The following TSHZ1 variants were observed in gnomAD, a reference collection of about 807,000 sequenced individuals.
TSHZ1 encodes teashirt homolog 1.
A neutral mutation model predicts 67.1 loss-of-function variants in TSHZ1; 12 were observed. The observed-to-expected ratio is 0.18, with a 90% CI of 0.11 to 0.29. The LOEUF (loss-of-function observed/expected upper bound fraction) is 0.29, where lower values mean the gene tolerates loss of function less well. TSHZ1 is among the 10% of genes least tolerant of loss of function. The pLI, the probability that TSHZ1 is intolerant of heterozygous loss-of-function variation, is 1.00. For missense variants in TSHZ1, 1,305 were observed against 1,413.9 expected (o/e 0.92, Z 1.23); for synonymous variants, 632 against 622.4 (o/e 1.02, Z -0.23).
rs138707336 is a variant in TSHZ1 at position 75,287,540 on chromosome 18, C to T, written c.2133C>T (p.His711=). 196 of 1,614,134 alleles carry T rather than the reference C, an allele frequency of 1.2e-4. No homozygotes were observed. The highest frequency in any genetic ancestry group is 1.6e-4 in the Non-Finnish European group (185 of 1,180,058). ...KAKKEGPLDV[H]TPNGTEPLKA... is the part of the protein sequence containing the mutation. ...AAAAGGAGGGACCGCTGGACGTTCACACCCCAAATGGCACAGAGCCTCTCA... is the reference window on the plus strand; with the variant it reads ...AAAAGGAGGGACCGCTGGACGTTCATACCCCAAATGGCACAGAGCCTCTCA... The change falls in exon 2 of 2, where the codon CAC becomes CAT. Residue 711 remains histidine, a synonymous_variant. Coordinates refer to ENST00000580243, the MANE Select transcript of TSHZ1 (RefSeq NM_001308210.2). The surrounding 1 kb of genome is among the most constrained non-coding windows in gnomAD (Gnocchi z 5.0).
chr18:75,212,191 G>C (rs1335681531), intron 1 of TSHZ1, among the ~76,000 whole-genome samples: 1 of 152,204 alleles, frequency 6.6e-6, no homozygotes, highest in South Asian at 2.1e-4. Flanking sequence ...GCCGCGGGAC[G>C]GCGGGTGCTT....
intron 1 of TSHZ1, among the ~76,000 whole-genome samples, chr18:75,238,910 C>G (rs540312064): frequency 6.6e-6 from 1 of 152,224 alleles, no homozygotes; most frequent in Non-Finnish European, 1.5e-5. Flanking sequence ...TAGCCTGGGT[C>G]GTGGGAAGTG....
intron 1 of TSHZ1, among the ~76,000 whole-genome samples, chr18:75,261,381 A>G (rs2023428752): frequency 6.6e-6 from 1 of 152,226 alleles, no homozygotes; most frequent in Non-Finnish European, 1.5e-5. Context: ...ACAGAAAGAC[A>G]TTCTCTAAAG....
intron 1 of TSHZ1, among the ~76,000 whole-genome samples, chr18:75,256,027 T>A (rs1327732667): frequency 2.0e-5 from 3 of 152,236 alleles, no homozygotes; most frequent in Non-Finnish European, 4.4e-5. Flanking sequence ...GATAACACTT[T>A]AATGCATAAA....
In TSHZ1 at chr18:75,227,335, G is replaced by A. The variant is rs1315640679; in HGVS notation, c.40+15419G>A. 4.6e-5 allele frequency among the ~76,000 whole-genome samples: 7 copies of A among 151,666 alleles called. No individual in the cohort carries two copies. The East Asian group carries it at 1.4e-3, about 29-fold the overall frequency. Reference sequence around the variant, plus strand: ...GTTTCTTCTTTTTCTCTGTTGCCTAGAATTTGTAACCCCATTCCCGCCTGC... The same window carrying A: ...GTTTCTTCTTTTTCTCTGTTGCCTAAAATTTGTAACCCCATTCCCGCCTGC... On this transcript the variant is annotated intron_variant, in intron 1 of 1. Transcript: ENST00000580243.
At chr18:75,229,538 A>G (rs1332103556) in intron 1 of TSHZ1, among the ~76,000 whole-genome samples, 1 of 152,192 alleles carries the variant, frequency 6.6e-6, no homozygotes, top group Admixed American at 6.5e-5. Flanking sequence ...TCCACTGTCA[A>G]GAGTCCAGCA....
intron 1 of TSHZ1, among the ~76,000 whole-genome samples, chr18:75,271,399 T>A (rs896420191): frequency 2.6e-5 from 4 of 152,186 alleles, no homozygotes; most frequent in African/African-American, 9.6e-5. Context: ...TCTTTTTAGC[T>A]GGGAAACTTT....
At chr18:75,252,594 A>T (rs910087472) in intron 1 of TSHZ1, among the ~76,000 whole-genome samples, 5 of 152,214 alleles carry the variant, frequency 3.3e-5, no homozygotes, top group Admixed American at 2.6e-4. Flanking sequence ...TATTTGATAC[A>T]TCTAAAATTA....
In TSHZ1 at chr18:75,285,913, G is replaced by T; in HGVS notation, c.506G>T (p.Gly169Val). 1 of 1,495,018 alleles carries T rather than the reference G, an allele frequency of 6.7e-7. No homozygotes were observed. Among genetic ancestry groups the T allele is most frequent in the Non-Finnish European group, 9.0e-7 (1 of 1,113,168 alleles). The allele number at this position is 1,495,018 out of a possible 1,614,324, so 92.6% of individuals were successfully genotyped here. ...CCCACCTGCCCCGTCAGCACCACTG[G>T]CCCCACCACGAGCACGCCCAGCACC... ...TPPTCPVSTT[G>V]PTTSTPSTSC... Residue 169 changes from glycine to valine, a missense_variant, in exon 2 of 2, where the codon GGC becomes GTC. By Grantham distance (109) the Gly-to-Val change is moderately radical. This residue lies in a region of TSHZ1 where 358 missense variants were observed against 375.6 expected (regional missense o/e 0.95). Transcript: ENST00000580243.
intron 1 of TSHZ1, among the ~76,000 whole-genome samples, chr18:75,227,598 T>C (rs923660253): frequency 2.0e-5 from 3 of 152,228 alleles, no homozygotes; most frequent in African/African-American, 7.2e-5. Context: ...AGTAGAGTTT[T>C]GCATTGTAAT....
At chr18:75,283,127 C>G (rs768592618) in intron 1 of TSHZ1, 1 of 152,364 alleles carries the variant, frequency 6.6e-6, no homozygotes, top group African/African-American at 2.4e-5. Flanking sequence ...AGCACATGCT[C>G]AGGCCTGCCG....
intron 1 of TSHZ1, among the ~76,000 whole-genome samples, chr18:75,260,012 C>T (rs370409999): frequency 1.3e-5 from 2 of 152,196 alleles, no homozygotes; most frequent in African/African-American, 4.8e-5. Context: ...TGTACTGATG[C>T]CTTTCAGGTC....
At chr18:75,261,451 C>T (rs563440960) in intron 1 of TSHZ1, among the ~76,000 whole-genome samples, 4 of 152,194 alleles carry the variant, frequency 2.6e-5, no homozygotes, top group Non-Finnish European at 4.4e-5. Flanking sequence ...GACCCATGCA[C>T]TACGACCATC....
At chr18:75,241,404 TGG>T (rs1372251313) in intron 1 of TSHZ1, among the ~76,000 whole-genome samples, 1 of 152,184 alleles carries the variant, frequency 6.6e-6, no homozygotes, top group African/African-American at 2.4e-5. Context: ...CTGTGCCATC[TGG>T]GTGGCTACTT....
chr18:75,220,204 A>G (rs1040861534), intron 1 of TSHZ1, among the ~76,000 whole-genome samples: 5 of 152,230 alleles, frequency 3.3e-5, no homozygotes, highest in African/African-American at 1.2e-4. Context: ...CTAAAGTGCT[A>G]GTTGACAGCA....
rs2023827571 is a variant in TSHZ1, at chr18:75,289,104, G to A, written c.*463G>A. ...AAAAAGAAGAAAAAAAGGCTTAAAGGCATTTCATTCAGATCAAAAGCTGTG... is the reference window on the plus strand; with the variant it reads ...AAAAAGAAGAAAAAAAGGCTTAAAGACATTTCATTCAGATCAAAAGCTGTG... On this transcript the variant is annotated 3_prime_UTR_variant, in exon 2 of 2. Coordinates refer to ENST00000580243, the MANE Select transcript of TSHZ1 (RefSeq NM_001308210.2). 6.0e-6 allele frequency: 1 copy of A among 166,760 alleles called. No homozygotes were observed. The highest frequency in any genetic ancestry group is 6.6e-5 in the Admixed American group (1 of 15,220). The allele number at this position is 166,760 out of a possible 1,614,324, so 10.3% of individuals were successfully genotyped here. A position where few individuals can be genotyped will look rare whatever the true frequency, so the allele number is the denominator to read the frequency against.
At chr18:75,272,021 A>G (rs1450491446) in intron 1 of TSHZ1, among the ~76,000 whole-genome samples, 1 of 152,202 alleles carries the variant, frequency 6.6e-6, no homozygotes, top group Non-Finnish European at 1.5e-5. Context: ...CATAATGGTA[A>G]TTTGTATAAG....
chr18:75,229,411 T>C (rs8084013), intron 1 of TSHZ1, among the ~76,000 whole-genome samples: 57,230 of 152,148 alleles, frequency 0.38, 11,610 homozygotes, highest in African/African-American at 0.54. Context: ...CCACACTGTA[T>C]GCACCATGCA....
intron 1 of TSHZ1, among the ~76,000 whole-genome samples, chr18:75,251,325 C>CT (rs1023500949): frequency 3.3e-5 from 5 of 152,088 alleles, no homozygotes; most frequent in African/African-American, 9.6e-5. Flanking sequence ...ACATTCTTAT[C>CT]TGAATTCTTT....
Sources: allele counts gnomAD v4.1 joint callset (sites outside exome capture counted in the v4.1 genomes callset), GRCh38; gene constraint gnomAD v4.1.1; regional missense constraint gnomAD v4.1.1; non-coding constraint Gnocchi (gnomAD v3.1); transcripts MANE v1.5; gene names NCBI Gene and HGNC (gene_info 2026-07-23, HGNC 2026-07-21).